Variants in OPTN observed in about 807,000 individuals in gnomAD.
OPTN encodes the protein optineurin, also known as E3-14.7K-interacting protein.
Under a neutral mutation model 70.4 loss-of-function variants are expected in OPTN, and 54 were observed. That is an observed-to-expected ratio of 0.77 (90% CI 0.62 to 0.96). OPTN has a LOEUF of 0.96. Ranked by LOEUF, OPTN falls within the 40% of genes least tolerant of loss-of-function variation. The probability of loss-of-function intolerance (pLI) is 0.00; values close to 1 mark genes in which losing one functional copy is unlikely to be tolerated. For synonymous variants in OPTN, 256 were observed against 248.5 expected (o/e 1.03, Z -0.28); for missense variants, 624 against 673.2 (o/e 0.93, Z 0.81).
chr10:13,133,401 T>A, intron 13 of OPTN, 101 bp from the exon 14 acceptor site: 1 of 986,978 alleles, frequency 1.0e-6, no homozygotes, highest in Admixed American at 1.8e-5. Context: ...GGCAGTGTAG[T>A]TTGAGTCTTT....
intron 1 of OPTN, among the ~76,000 whole-genome samples, chr10:13,101,782 A>G (rs1832754470): frequency 6.6e-6 from 1 of 152,200 alleles, no homozygotes; most frequent in Non-Finnish European, 1.5e-5. Context: ...GTTAGAAAGG[A>G]GGATTTTGAG....
intron 1 of OPTN, among the ~76,000 whole-genome samples, chr10:13,101,531 T>A (rs1488404092): frequency 6.6e-6 from 1 of 151,938 alleles, no homozygotes; most frequent in Non-Finnish European, 1.5e-5. Context: ...ATACACCTTC[T>A]GTTTTATAGA....
intron 5 of OPTN, 107 bp from the exon 6 acceptor site, chr10:13,116,160 T>C: frequency 1.3e-6 from 1 of 787,400 alleles, no homozygotes; most frequent in Non-Finnish European, 2.2e-6. Flanking sequence ...GGAAGCTTCC[T>C]TGGGTTGCAT....
chr10:13,108,946 C>CT, intron 2 of OPTN, 166 bp from the exon 3 acceptor site: 1 of 713,470 alleles, frequency 1.4e-6, no homozygotes, highest in Non-Finnish European at 2.5e-6. Flanking sequence ...CTACATATAC[C>CT]TTTTTTGTTT....
chr10:13,118,236 C>T (rs553355349), intron 6 of OPTN, among the ~76,000 whole-genome samples: 2 of 152,338 alleles, frequency 1.3e-5, no homozygotes, highest in African/African-American at 4.8e-5. Flanking sequence ...GAACCTGAGT[C>T]GGTGACTGAA....
Position 13,112,597 on chromosome 10 carries a change from G to A in OPTN, c.514G>A (p.Gly172Ser), listed in dbSNP as rs201518410. ...ACTGCAGCTCAAGCTGAACTCCAGCGGCTCCTCAGAAGATTCCTTTGTTGA... is the reference window on the plus strand; with the variant it reads ...ACTGCAGCTCAAGCTGAACTCCAGCAGCTCCTCAGAAGATTCCTTTGTTGA... ...SELQLKLNSS[G>S]SSEDSFVEIR... Residue 172 changes from glycine to serine, a missense_variant, in exon 5 of 15, where the codon GGC (glycine) becomes AGC (serine). Coordinates refer to ENST00000378747, the MANE Select transcript of OPTN (RefSeq NM_001008212.2). 18 of 1,614,160 alleles carry A rather than the reference G, an allele frequency of 1.1e-5. No homozygotes were observed. Among genetic ancestry groups the A allele is most frequent in the Non-Finnish European group, 1.2e-5 (14 of 1,180,036 alleles).
intron 14 of OPTN, among the ~76,000 whole-genome samples, chr10:13,135,160 C>T (rs1833672619): frequency 6.6e-6 from 1 of 152,124 alleles, no homozygotes; most frequent in South Asian, 2.1e-4. Context: ...GAGAGCCAAA[C>T]CAAAGTCTAG....
chr10:13,114,754 ATAATTG>A (rs1833085803), intron 5 of OPTN, among the ~76,000 whole-genome samples: 1 of 107,364 alleles, frequency 9.3e-6, no homozygotes, highest in Admixed American at 1.3e-4. Flanking sequence ...CTACAATTAT[ATAATTG>A]CATATATAAT....
intron 8 of OPTN, chr10:13,122,954 T>C: frequency 5.1e-6 from 1 of 197,096 alleles, no homozygotes; most frequent in South Asian, 1.0e-4. Flanking sequence ...GGATTACAGA[T>C]ATGAGCCACT....
chr10:13,129,765 C>T (rs1294965355), intron 12 of OPTN, among the ~76,000 whole-genome samples: 1 of 152,226 alleles, frequency 6.6e-6, no homozygotes, highest in Non-Finnish European at 1.5e-5. Context: ...TATGTCCTCA[C>T]ATTCTTGCAT....
intron 6 of OPTN, among the ~76,000 whole-genome samples, chr10:13,117,388 T>C (rs1017313654): frequency 1.4e-5 from 2 of 143,888 alleles, no homozygotes; most frequent in Admixed American, 7.0e-5. Flanking sequence ...CCAGGATCTC[T>C]TATCTCACAG....
At chr10:13,136,382 C>T (rs1442264384) in intron 14 of OPTN, among the ~76,000 whole-genome samples, 1 of 151,614 alleles carries the variant, frequency 6.6e-6, no homozygotes, top group African/African-American at 2.4e-5. Flanking sequence ...GTGGCGCGCA[C>T]CTGTGATCCC....
At position 13,121,550 on chromosome 10, in the gene OPTN, G is replaced by A. The variant is rs76505134; in HGVS notation, c.780-835G>A. Among the ~76,000 whole-genome samples, 689 of 147,970 alleles carry A rather than the reference G, an allele frequency of 4.7e-3. 5 individuals carry two copies. Among genetic ancestry groups the A allele is most frequent in the African/African-American group, 0.015 (600 of 39,946 alleles). ...AAAGTGTTACATAGAAATGGAGAGA[G>A]CAGGCATCCTTGTCTTGTTCCTAAT... On this transcript the variant is annotated intron_variant, in intron 7 of 14. Coordinates refer to ENST00000378747, the MANE Select transcript of OPTN (RefSeq NM_001008212.2).
intron 7 of OPTN, among the ~76,000 whole-genome samples, chr10:13,121,240 AG>A: frequency 6.6e-6 from 1 of 152,146 alleles, no homozygotes; most frequent in Non-Finnish European, 1.5e-5. Flanking sequence ...ATTGCACTCG[AG>A]AGATAGTGCC....
At chr10:13,134,005 C>T (rs567426580) in intron 14 of OPTN, among the ~76,000 whole-genome samples, 1 of 152,268 alleles carries the variant, frequency 6.6e-6, no homozygotes, top group African/African-American at 2.4e-5. Flanking sequence ...GATGGGGTTT[C>T]ACCGTGTTGG....
At position 13,129,300 on chromosome 10, in the gene OPTN, G is replaced by C. The variant is rs2131524309; in HGVS notation, c.1401+1397G>C. Among the ~76,000 whole-genome samples, 3 of 151,468 alleles carry C rather than the reference G, an allele frequency of 2.0e-5. No individual in the cohort carries two copies. In the South Asian group the frequency reaches 6.3e-4, roughly 32 times the overall value. On this transcript the variant is annotated intron_variant, in intron 12 of 14. Coordinates refer to ENST00000378747, the MANE Select transcript of OPTN (RefSeq NM_001008212.2). ...TTTCTGGATTTTGTTCTATTTTATT[G>C]GTCTACTCATATATCTTTGCTCTGG...
At chr10:13,104,333 C>T (rs140448824) in intron 1 of OPTN, among the ~76,000 whole-genome samples, 1,731 of 143,814 alleles carry the variant, frequency 0.012, 37 homozygotes, top group African/African-American at 0.043. Flanking sequence ...GATCTTAGCT[C>T]ACTGCAACCT....
intron 13 of OPTN, among the ~76,000 whole-genome samples, chr10:13,133,203 C>A (rs955842445): frequency 1.3e-5 from 2 of 152,100 alleles, no homozygotes; most frequent in African/African-American, 4.8e-5. Flanking sequence ...TTGATATGTG[C>A]GGATGTAATT....
chr10:13,110,529 G>A lies in OPTN; in HGVS notation c.369+53G>A, dbSNP rs898674543. 3.9e-6 allele frequency: 6 copies of A among 1,547,494 alleles called. No homozygotes were observed. The African/African-American group carries it at 8.3e-5, about 21-fold the overall frequency. On this transcript the variant is annotated intron_variant, in intron 4 of 14. Transcript: ENST00000378747. Reference sequence around the variant, plus strand: ...GTTTTTTTTTTTTCCCTTGACATTTGCAGTGGAATCTTACGTGTCTAGACT... The same window carrying A: ...GTTTTTTTTTTTTCCCTTGACATTTACAGTGGAATCTTACGTGTCTAGACT...
Sources: gnomAD v4.1 joint callset for allele counts (sites outside exome capture counted in the v4.1 genomes callset) on GRCh38, gnomAD v4.1.1 for gene constraint, MANE v1.5 for transcripts, NCBI Gene and HGNC (gene_info 2026-07-23, HGNC 2026-07-21) for gene names.